ADAMTS6: variants seen among roughly 807,000 people sequenced by gnomAD.
The protein encoded by ADAMTS6 is A disintegrin and metalloproteinase with thrombospondin motifs 6.
A neutral mutation model predicts 144.3 loss-of-function variants in ADAMTS6; 23 were observed. The ratio of observed to expected loss-of-function variants is 0.16; its 90% confidence interval spans 0.11 to 0.23. The LOEUF (loss-of-function observed/expected upper bound fraction) is 0.23, where lower values mean the gene tolerates loss of function less well. Ranked by LOEUF, ADAMTS6 falls within the 10% of genes least tolerant of loss-of-function variation. The pLI, the probability that ADAMTS6 is intolerant of heterozygous loss-of-function variation, is 1.00. For synonymous variants in ADAMTS6, 444 were observed against 457.5 expected (o/e 0.97, Z 0.38); for missense variants, 999 against 1,379.6 (o/e 0.72, Z 4.37).
intron 9 of ADAMTS6, among the ~76,000 whole-genome samples, chr5:65,327,276 C>T (rs549055297): frequency 2.2e-4 from 34 of 152,184 alleles, no homozygotes; most frequent in Non-Finnish European, 4.3e-4. Flanking sequence ...TGCCTGTGAG[C>T]CAAATAAACC....
chr5:65,282,316 A>AT (rs1763045270), intron 11 of ADAMTS6, among the ~76,000 whole-genome samples: 1 of 152,102 alleles, frequency 6.6e-6, no homozygotes, highest in Non-Finnish European at 1.5e-5. Flanking sequence ...TGAAAGAGTT[A>AT]TTATCTAAAG....
intron 7 of ADAMTS6, among the ~76,000 whole-genome samples, chr5:65,381,401 C>T (rs1420649422): frequency 1.3e-5 from 2 of 149,658 alleles, no homozygotes; most frequent in South Asian, 2.1e-4. Context: ...CTCACTCTGT[C>T]GCCCAGGCTG....
chr5:65,386,193 T>G (rs953959133), intron 7 of ADAMTS6, among the ~76,000 whole-genome samples: 7 of 152,240 alleles, frequency 4.6e-5, no homozygotes, highest in Admixed American at 3.9e-4. Flanking sequence ...TATTATGTCA[T>G]GTCTAACATT....
intron 7 of ADAMTS6, among the ~76,000 whole-genome samples, chr5:65,358,563 T>C (rs901150967): frequency 2.0e-5 from 3 of 151,930 alleles, no homozygotes; most frequent in Non-Finnish European, 4.4e-5. Context: ...AGACCTCAAA[T>C]AGCCACAGCA....
intron 7 of ADAMTS6, among the ~76,000 whole-genome samples, chr5:65,370,744 G>C (rs1050688227): frequency 1.3e-5 from 2 of 152,218 alleles, no homozygotes; most frequent in Non-Finnish European, 1.5e-5. Context: ...ACAAAGCAGA[G>C]GGGAAGCTCC....
Position 65,242,035 on chromosome 5 carries a change from ATATATTTGTATATTCTTTGATATTTGC to A in ADAMTS6, c.1933+42_1933+68del, listed in dbSNP as rs1759233819. ...TACATGAATGTATGCATGTGTTTGT[ATATATTTGTATATTCTTTGATATTTGC>A]AAAGTGCTCAAGCATGAATGCTCTG... On this transcript the variant is annotated intron_variant, in intron 15 of 24. Coordinates refer to ENST00000381055, the MANE Select transcript of ADAMTS6 (RefSeq NM_197941.4). 17 of 1,082,708 alleles carry A rather than the reference ATATATTTGTATATTCTTTGATATTTGC, an allele frequency of 1.6e-5. No individual in the cohort carries two copies. In the South Asian group the frequency reaches 2.9e-4, roughly 19 times the overall value. The allele number at this position is 1,082,708 out of a possible 1,614,324, so 67.1% of individuals were successfully genotyped here.
rs183132008 is a variant in ADAMTS6, at chr5:65,374,031, A to G, written c.1074-39946T>C. Among the ~76,000 whole-genome samples the G allele has an allele frequency of 2.7e-3, 410 of 152,358 alleles. 1 individual carries two copies. The highest frequency in any genetic ancestry group is 9.6e-3 in the African/African-American group (399 of 41,582). On this transcript the variant is annotated intron_variant, in intron 7 of 24. Coordinates refer to ENST00000381055, the MANE Select transcript of ADAMTS6 (RefSeq NM_197941.4). Reference sequence around the variant, plus strand: ...ACCACATGATTATCTCAATAGATGCAGAAAAGTCCTTTGACAAAATTCAAC... The same window carrying G: ...ACCACATGATTATCTCAATAGATGCGGAAAAGTCCTTTGACAAAATTCAAC...
At chr5:65,443,857 T>C (rs1237831738) in intron 7 of ADAMTS6, among the ~76,000 whole-genome samples, 5 of 151,358 alleles carry the variant, frequency 3.3e-5, no homozygotes, top group Admixed American at 6.6e-5. Context: ...AAGAAACCTA[T>C]AGCTAACATC....
Position 65,207,525 on chromosome 5 carries a change from A to G in ADAMTS6, c.2575+7269T>C, listed in dbSNP as rs759373823. Among the ~76,000 whole-genome samples the G allele has an allele frequency of 2.0e-5, 3 of 152,228 alleles. No individual in the cohort carries two copies. The South Asian group carries it at 6.2e-4, about 31-fold the overall frequency. On this transcript the variant is annotated intron_variant, in intron 20 of 24. Transcript: ENST00000381055. ...TTTGGAAGGTTTCACTTTAAAGCCT[A>G]AGCATTGTATAATATTAAATAAGAG...
chr5:65,439,537 C>T lies in ADAMTS6; in HGVS notation c.1073+11938G>A, dbSNP rs148528128. 4.5e-4 allele frequency among the ~76,000 whole-genome samples: 69 copies of T among 152,098 alleles called. 2 individuals are homozygous for T. In the East Asian group the frequency reaches 0.013, roughly 29 times the overall value. On this transcript the variant is annotated intron_variant, in intron 7 of 24. Transcript: ENST00000381055. Reference sequence around the variant, plus strand: ...ATATGTCTCATAAAATAAAAAATTGCTATATACTCTTTTAAAATGTCAAAG... The same window carrying T: ...ATATGTCTCATAAAATAAAAAATTGTTATATACTCTTTTAAAATGTCAAAG...
At chr5:65,216,050 TTA>T (rs1756894810) in intron 18 of ADAMTS6, among the ~76,000 whole-genome samples, 2 of 152,128 alleles carry the variant, frequency 1.3e-5, no homozygotes, top group Admixed American at 1.3e-4. Flanking sequence ...ATTTCTTTCT[TTA>T]TATAAGAATA....
At chr5:65,211,821 T>A (rs576605648) in intron 20 of ADAMTS6, among the ~76,000 whole-genome samples, 35 of 152,312 alleles carry the variant, frequency 2.3e-4, no homozygotes, top group Admixed American at 3.9e-4. Flanking sequence ...TAATTCCTTT[T>A]ACTCATTCAC....
chr5:65,478,024 G>A (rs1308748975), intron 1 of ADAMTS6, among the ~76,000 whole-genome samples: 2 of 151,892 alleles, frequency 1.3e-5, no homozygotes, highest in Non-Finnish European at 2.9e-5. Flanking sequence ...CTACTCAGGG[G>A]GCTGAGGCAA....
intron 14 of ADAMTS6, chr5:65,256,334 T>C (rs1477622173): frequency 2.0e-5 from 3 of 151,292 alleles, no homozygotes; most frequent in Admixed American, 6.6e-5. Flanking sequence ...AGATTAGGTA[T>C]TTGGTAAATT....
chr5:65,399,279 A>G (rs528510223), intron 7 of ADAMTS6, among the ~76,000 whole-genome samples: 3 of 152,332 alleles, frequency 2.0e-5, no homozygotes, highest in East Asian at 3.9e-4. Context: ...CTTCTTGTAG[A>G]CAACATATAG....
chr5:65,224,864 G>A, intron 17 of ADAMTS6, 60 bp downstream of exon 17: 1 of 1,502,418 alleles, frequency 6.7e-7, no homozygotes, highest in East Asian at 2.4e-5. Context: ...GGCGAAGCGA[G>A]GGTTTTGGCT....
At chr5:65,322,789 T>A (rs1745751845) in intron 9 of ADAMTS6, among the ~76,000 whole-genome samples, 1 of 152,140 alleles carries the variant, frequency 6.6e-6, no homozygotes, top group Non-Finnish European at 1.5e-5. Flanking sequence ...GCTGGGATGA[T>A]GGGGTTTTCT....
chr5:65,349,235 T>C (rs1350750764), intron 7 of ADAMTS6, among the ~76,000 whole-genome samples: 1 of 152,170 alleles, frequency 6.6e-6, no homozygotes, highest in Non-Finnish European at 1.5e-5. Flanking sequence ...AATAGTCTAA[T>C]TCTGCTAGGC....
At chr5:65,397,506 T>C (rs906277603) in intron 7 of ADAMTS6, among the ~76,000 whole-genome samples, 2 of 152,170 alleles carry the variant, frequency 1.3e-5, no homozygotes, top group Non-Finnish European at 2.9e-5. Flanking sequence ...TGGTAAGTTA[T>C]GTTTTCATTT....
Sources: gnomAD v4.1 joint callset for allele counts (sites outside exome capture counted in the v4.1 genomes callset) on GRCh38, gnomAD v4.1.1 for gene constraint, MANE v1.5 for transcripts, NCBI Gene and HGNC (gene_info 2026-07-23, HGNC 2026-07-21) for gene names.